The following DDX46 variants were observed in gnomAD, a reference collection of about 807,000 sequenced individuals.
DDX46 encodes probable ATP-dependent RNA helicase DDX46.
A neutral mutation model predicts 134.9 loss-of-function variants in DDX46; 30 were observed. The observed-to-expected ratio is 0.22, with a 90% CI of 0.17 to 0.30. The LOEUF (loss-of-function observed/expected upper bound fraction) is 0.30, where lower values mean the gene tolerates loss of function less well. DDX46 is among the 10% of genes least tolerant of loss of function. The probability of loss-of-function intolerance (pLI) is 1.00; values close to 1 mark genes in which losing one functional copy is unlikely to be tolerated. For missense variants in DDX46, 622 were observed against 1,248.7 expected, an observed-to-expected ratio of 0.50 and a Z score of 7.56; for synonymous variants, 415 against 404.1, an observed-to-expected ratio of 1.03 and a Z score of -0.32.
Position 134,770,631 on chromosome 5 carries a change from G to A in DDX46, c.351-272G>A, listed in dbSNP as rs529455538. Among the ~76,000 whole-genome samples the A allele has an allele frequency of 1.1e-4, 16 of 152,216 alleles. No homozygotes were observed. The South Asian group carries it at 3.3e-3, about 32-fold the overall frequency. ...GTTCAGGACCAGCCTGGCCAACATGGTGAAAACCTGTCTCTACTAAAAATA... is the reference window on the plus strand; with the variant it reads ...GTTCAGGACCAGCCTGGCCAACATGATGAAAACCTGTCTCTACTAAAAATA... On this transcript the variant is annotated intron_variant, in intron 3 of 22. Transcript: ENST00000452510.
rs1329390957 is a variant in DDX46 at position 134,763,943 on chromosome 5, A to G, written c.57A>G (p.Gly19=). Residue 19 remains glycine, a synonymous_variant, in exon 2 of 23, where the codon GGA becomes GGG. Coordinates refer to ENST00000452510, the MANE Select transcript of DDX46 (RefSeq NM_001300860.2). ...GATCGGCATCCCGGGGTCGCTCTGGAAGTCGGTCTAGAAGTCGCTCACCCT... is the reference window on the plus strand; with the variant it reads ...GATCGGCATCCCGGGGTCGCTCTGGGAGTCGGTCTAGAAGTCGCTCACCCT... ...RKRSASRGRS[G]SRSRSRSPSD... is the part of the protein sequence containing the mutation. 1 of 1,614,174 alleles carries G rather than the reference A, an allele frequency of 6.2e-7. No individual in the cohort carries two copies. The highest frequency in any genetic ancestry group is 1.7e-5 in the Admixed American group (1 of 60,014).
chr5:134,776,119 C>T (rs1299593096), intron 5 of DDX46, among the ~76,000 whole-genome samples: 13 of 152,084 alleles, frequency 8.5e-5, no homozygotes, highest in Middle Eastern at 3.2e-3. Flanking sequence ...AGGCTGGGCG[C>T]GCTGGTGCAT....
At chr5:134,812,306 C>T (rs1755168488) in intron 18 of DDX46, among the ~76,000 whole-genome samples, 1 of 152,028 alleles carries the variant, frequency 6.6e-6, no homozygotes, top group African/African-American at 2.4e-5. Flanking sequence ...CTCAAGTGAT[C>T]CGCTTTCCTT....
intron 22 of DDX46, among the ~76,000 whole-genome samples, chr5:134,827,501 C>T (rs933760807): frequency 1.3e-5 from 2 of 152,224 alleles, no homozygotes; most frequent in African/African-American, 4.8e-5. Flanking sequence ...TCTCGAACTC[C>T]TGACCTCATG....
intron 17 of DDX46, 77 bp downstream of exon 17, chr5:134,811,435 T>C: frequency 6.5e-7 from 1 of 1,532,760 alleles, no homozygotes; most frequent in African/African-American, 1.4e-5. Context: ...CTTGGAAATC[T>C]TTTATTTAAC....
chr5:134,794,752 C>G, intron 13 of DDX46, 98 bp from the exon 14 acceptor site: 2 of 1,457,764 alleles, frequency 1.4e-6, no homozygotes, highest in African/African-American at 1.4e-5. Flanking sequence ...AAAACTGAGA[C>G]AGTTGTTCTC....
intron 16 of DDX46, among the ~76,000 whole-genome samples, chr5:134,809,896 C>T (rs758960302): frequency 6.6e-6 from 1 of 152,080 alleles, no homozygotes; most frequent in East Asian, 2.0e-4. Context: ...GCCTGTAATC[C>T]GAGCTACTCG....
In DDX46 at chr5:134,782,899, A is replaced by G. The variant is rs769472133; in HGVS notation, c.1046-46A>G. 3 of 1,598,720 alleles carry G rather than the reference A, an allele frequency of 1.9e-6. No homozygotes were observed. In the Admixed American group the frequency reaches 5.2e-5, roughly 28 times the overall value. On this transcript the variant is annotated intron_variant, in intron 8 of 22. Coordinates refer to ENST00000452510, the MANE Select transcript of DDX46 (RefSeq NM_001300860.2). ...GCCTAATTGAAAAGTAGAAGACACC[A>G]ATAGAACAATATTTAAGAACTTTTA...
intron 3 of DDX46, among the ~76,000 whole-genome samples, chr5:134,768,914 C>T (rs1753668395): frequency 6.6e-6 from 1 of 151,954 alleles, no homozygotes; most frequent in East Asian, 1.9e-4. Context: ...AAAAATTAGT[C>T]AGGTGTGGTG....
intron 5 of DDX46, among the ~76,000 whole-genome samples, chr5:134,776,771 A>C (rs979329965): frequency 4.6e-5 from 7 of 150,904 alleles, no homozygotes; most frequent in African/African-American, 1.5e-4. Flanking sequence ...AAATTAGCTG[A>C]GTATGGTGGC....
At chr5:134,788,171 C>A (rs1400951062) in intron 11 of DDX46, among the ~76,000 whole-genome samples, 2 of 151,940 alleles carry the variant, frequency 1.3e-5, no homozygotes, top group Non-Finnish European at 2.9e-5. Flanking sequence ...CTTGCTCAGG[C>A]TGGAGTGCAA....
At chr5:134,796,878 G>C (rs1754669547) in intron 15 of DDX46, among the ~76,000 whole-genome samples, 1 of 146,472 alleles carries the variant, frequency 6.8e-6, no homozygotes, top group Non-Finnish European at 1.5e-5. Context: ...AAGGCCAGGC[G>C]AGGTGGCTCA....
At chr5:134,775,603 A>T (rs1339889627) in intron 5 of DDX46, among the ~76,000 whole-genome samples, 1 of 151,970 alleles carries the variant, frequency 6.6e-6, no homozygotes, top group Non-Finnish European at 1.5e-5. Context: ...AGTAGAGACG[A>T]GGTTTCACCA....
chr5:134,777,835 TCTC>T, intron 6 of DDX46, 110 bp downstream of exon 6: 1 of 1,307,720 alleles, frequency 7.6e-7, no homozygotes, highest in Non-Finnish European at 1.0e-6. Context: ...CAGTTTTCTT[TCTC>T]CTCATCTGAG....
intron 3 of DDX46, among the ~76,000 whole-genome samples, chr5:134,767,653 A>G (rs1046508753): frequency 2.6e-5 from 4 of 151,610 alleles, no homozygotes; most frequent in Non-Finnish European, 1.5e-5. Context: ...GACTTGTCTT[A>G]AAAGTTAAGA....
chr5:134,803,465 T>C (rs954348479), intron 15 of DDX46, among the ~76,000 whole-genome samples: 8 of 152,178 alleles, frequency 5.3e-5, no homozygotes, highest in African/African-American at 1.7e-4. Context: ...TGAGTTTGTT[T>C]TGAACACTTT....
At chr5:134,771,303 C>T (rs970117661) in intron 4 of DDX46, among the ~76,000 whole-genome samples, 2 of 150,582 alleles carry the variant, frequency 1.3e-5, no homozygotes, top group Non-Finnish European at 1.5e-5. Context: ...CTGTGTTGGC[C>T]AGGCTGGTCT....
At chr5:134,827,822 A>G (rs939769290) in intron 22 of DDX46, among the ~76,000 whole-genome samples, 2 of 152,194 alleles carry the variant, frequency 1.3e-5, no homozygotes, top group African/African-American at 4.8e-5. Flanking sequence ...TTTATGAACA[A>G]CACTTCTGTG....
At chr5:134,808,037 T>A in intron 16 of DDX46, 96 bp downstream of exon 16, 1 of 1,170,464 alleles carries the variant, frequency 8.5e-7, no homozygotes, top group Non-Finnish European at 1.2e-6. Context: ...TATGGAGACA[T>A]TTTGAAAATC....
Sources: gnomAD v4.1 joint callset for allele counts (sites outside exome capture counted in the v4.1 genomes callset) on GRCh38, gnomAD v4.1.1 for gene constraint, MANE v1.5 for transcripts, NCBI Gene and HGNC (gene_info 2026-07-23, HGNC 2026-07-21) for gene names.